GABBR2: variants seen among roughly 807,000 people sequenced by gnomAD.
GABBR2 encodes the protein G-protein coupled receptor 51.
Under a neutral mutation model 105.6 loss-of-function variants are expected in GABBR2, and 23 were observed. That is an observed-to-expected ratio of 0.22 (90% CI 0.16 to 0.31). GABBR2 has a LOEUF of 0.31. Ranked by LOEUF, GABBR2 falls within the 10% of genes least tolerant of loss-of-function variation. The pLI is 1.00. For missense variants in GABBR2, 734 were observed against 1,245.5 expected (o/e 0.59, Z 6.18); for synonymous variants, 478 against 499.7 (o/e 0.96, Z 0.58).
chr9:98,654,564 C>G (rs1035815966), intron 1 of GABBR2, among the ~76,000 whole-genome samples: 8 of 151,980 alleles, frequency 5.3e-5, no homozygotes, highest in African/African-American at 1.9e-4. Context: ...TGGAAAAGCA[C>G]CGAGGGTTAG....
intron 8 of GABBR2, among the ~76,000 whole-genome samples, chr9:98,405,032 A>G (rs1832464902): frequency 6.6e-6 from 1 of 152,200 alleles, no homozygotes; most frequent in African/African-American, 2.4e-5. Context: ...ATTATATTAT[A>G]AAACCTCCCT....
rs1830629875 is a variant in GABBR2 at position 98,311,169 on chromosome 9, G to C, written c.1930C>G (p.Leu644Val). ...TGGGTGTTCTCACAGTGCTCCAGGA[G>C]AGGGCGGATGGAGATATCCCGTCCT... ...PAGRDISIRP[L>V]LEHCENTHMT... The change falls in exon 14 of 19, where the codon CTC becomes GTC. Residue 644 changes from leucine to valine, a missense_variant. Coordinates refer to ENST00000259455, the MANE Select transcript of GABBR2 (RefSeq NM_005458.8). 1.2e-6 allele frequency: 2 copies of C among 1,613,678 alleles called. No homozygotes were observed. Among genetic ancestry groups the C allele is most frequent in the African/African-American group, 1.3e-5 (1 of 74,912 alleles).
intron 1 of GABBR2, among the ~76,000 whole-genome samples, chr9:98,687,299 T>C (rs1810096603): frequency 6.6e-6 from 1 of 151,950 alleles, no homozygotes; most frequent in Non-Finnish European, 1.5e-5. Context: ...GGGGGAATTC[T>C]GGCTGAACCA....
chr9:98,463,783 T>C (rs375971728), intron 6 of GABBR2, among the ~76,000 whole-genome samples: 20 of 152,094 alleles, frequency 1.3e-4, no homozygotes, highest in African/African-American at 4.8e-4. Context: ...TTCCAGGCAC[T>C]CGCCGCCACT....
chr9:98,462,388 T>C (rs1194974701), intron 6 of GABBR2, among the ~76,000 whole-genome samples: 2 of 152,062 alleles, frequency 1.3e-5, no homozygotes, highest in Non-Finnish European at 2.9e-5. Context: ...AAGATATAAA[T>C]AATACATATA....
intron 3 of GABBR2, among the ~76,000 whole-genome samples, chr9:98,538,932 G>A (rs1018972741): frequency 6.6e-6 from 1 of 152,182 alleles, no homozygotes; most frequent in Non-Finnish European, 1.5e-5. Context: ...TAAATCAAGA[G>A]AGGTCCTTGC....
At chr9:98,482,078 C>G (rs776070622) in intron 4 of GABBR2, among the ~76,000 whole-genome samples, 1 of 152,204 alleles carries the variant, frequency 6.6e-6, no homozygotes, top group Non-Finnish European at 1.5e-5. Context: ...CCATCCCAGC[C>G]GCTTCCTGCC....
chr9:98,631,959 A>G (rs543478100), intron 1 of GABBR2, among the ~76,000 whole-genome samples: 1 of 152,352 alleles, frequency 6.6e-6, no homozygotes, highest in Admixed American at 6.5e-5. Context: ...GAGGTTATGA[A>G]GCTGAATTAG....
chr9:98,430,071 G>A (rs546146284), intron 7 of GABBR2, among the ~76,000 whole-genome samples: 5 of 150,248 alleles, frequency 3.3e-5, no homozygotes, highest in South Asian at 4.2e-4. Flanking sequence ...TGGATCACAA[G>A]GTCAGGAGAT....
chr9:98,300,029 AT>A (rs530073574), intron 16 of GABBR2, among the ~76,000 whole-genome samples: 397 of 140,746 alleles, frequency 2.8e-3, no homozygotes, highest in South Asian at 4.0e-3. Context: ...TGTCTGGCTA[AT>A]TTTTTTTTTT....
rs114329262 is a variant in GABBR2, at chr9:98,599,168, C to T, written c.322-21096G>A. 9.7e-4 allele frequency among the ~76,000 whole-genome samples: 147 copies of T among 152,280 alleles called. 1 individual carries two copies. The highest frequency in any genetic ancestry group is 3.3e-3 in the African/African-American group (137 of 41,538). ...GGTGAGGACTCCAACCTAGGGGCTT[C>T]AAACTCAGTTCCTCAGGAGGCCTCT... On this transcript the variant is annotated intron_variant, in intron 1 of 18. Transcript: ENST00000259455.
intron 2 of GABBR2, among the ~76,000 whole-genome samples, chr9:98,563,409 C>T (rs965818408): frequency 6.6e-6 from 1 of 152,174 alleles, no homozygotes; most frequent in African/African-American, 2.4e-5. Context: ...CGAGGGTTAC[C>T]GGTTACGGAC....
At chr9:98,625,731 T>C (rs1041821087) in intron 1 of GABBR2, among the ~76,000 whole-genome samples, 28 of 152,134 alleles carry the variant, frequency 1.8e-4, no homozygotes, top group African/African-American at 6.8e-4. Context: ...ATGAATCAAA[T>C]CCATATTCTC....
At chr9:98,423,534 A>T (rs1161440024) in intron 7 of GABBR2, among the ~76,000 whole-genome samples, 2 of 151,790 alleles carry the variant, frequency 1.3e-5, no homozygotes, top group African/African-American at 4.8e-5. Flanking sequence ...GGTTGCAAAA[A>T]TTTTCTCCCA....
At chr9:98,389,808 G>A (rs927164693) in intron 9 of GABBR2, among the ~76,000 whole-genome samples, 1 of 152,150 alleles carries the variant, frequency 6.6e-6, no homozygotes, top group Admixed American at 6.5e-5. Context: ...AGCTTCCTGC[G>A]AATCCCTCTT....
At chr9:98,633,614 G>A (rs1191411333) in intron 1 of GABBR2, among the ~76,000 whole-genome samples, 6 of 128,824 alleles carry the variant, frequency 4.7e-5, no homozygotes, top group Admixed American at 8.0e-5. Context: ...ACAAGAGCGC[G>A]AGACTCCATC....
chr9:98,573,900 G>A (rs1184824125), intron 2 of GABBR2, among the ~76,000 whole-genome samples: 2 of 151,714 alleles, frequency 1.3e-5, no homozygotes, highest in Non-Finnish European at 2.9e-5. Context: ...TTTTTGCCTC[G>A]CCACAAGAAC....
intron 17 of GABBR2, among the ~76,000 whole-genome samples, chr9:98,295,261 C>T (rs752968775): frequency 2.0e-5 from 3 of 152,264 alleles, no homozygotes; most frequent in Non-Finnish European, 2.9e-5. Context: ...ACTGCCTTAG[C>T]GCTTAGCTTT....
At chr9:98,707,930 C>T (rs1025356153) in intron 1 of GABBR2, among the ~76,000 whole-genome samples, 2 of 152,360 alleles carry the variant, frequency 1.3e-5, no homozygotes, top group African/African-American at 4.8e-5. Flanking sequence ...GGTTCCGGAG[C>T]CTTCCGGACC....
Sources: allele counts gnomAD v4.1 joint callset (sites outside exome capture counted in the v4.1 genomes callset), GRCh38; gene constraint gnomAD v4.1.1; transcripts MANE v1.5; gene names NCBI Gene and HGNC (gene_info 2026-07-23, HGNC 2026-07-21).